GRM5: variants seen among roughly 807,000 people sequenced by gnomAD.
GRM5 encodes metabotropic glutamate receptor 5.
In GRM5, 19 loss-of-function variants were observed where a neutral mutation model predicts 83.1. The observed-to-expected ratio is 0.23, with a 90% confidence interval of 0.16 to 0.34. The LOEUF is 0.34. GRM5 is among the 10% of genes least tolerant of loss of function. GRM5 has a pLI of 1.00. For missense variants in GRM5, 1,160 were observed against 1,588.3 expected (o/e 0.73, Z 4.58); for synonymous variants, 675 against 633.6 (o/e 1.07, Z -0.98).
intron 3 of GRM5, among the ~76,000 whole-genome samples, chr11:88,675,956 A>C (rs951982061): frequency 7.9e-5 from 12 of 152,034 alleles, no homozygotes; most frequent in African/African-American, 2.4e-4. Flanking sequence ...AGAGAATCAT[A>C]GTATTTGTAG....
intron 7 of GRM5, among the ~76,000 whole-genome samples, chr11:88,582,954 T>A (rs936016640): frequency 1.5e-4 from 23 of 152,254 alleles, no homozygotes; most frequent in African/African-American, 5.5e-4. Flanking sequence ...TGTGGTCTTG[T>A]CCATGTATAG....
intron 8 of GRM5, among the ~76,000 whole-genome samples, chr11:88,530,334 CTTTAG>C (rs904874243): frequency 2.6e-4 from 40 of 152,088 alleles, no homozygotes; most frequent in Admixed American, 9.2e-4. Flanking sequence ...AGCTTTGACA[CTTTAG>C]TTTATAGGCC....
In GRM5 at chr11:88,642,470, C is replaced by T. The variant is rs184062005; in HGVS notation, c.1147+10698G>A. Among the ~76,000 whole-genome samples the T allele has an allele frequency of 1.2e-3, 189 of 152,312 alleles. 2 individuals carry two copies. Among genetic ancestry groups the T allele is most frequent in the African/African-American group, 4.4e-3 (185 of 41,580 alleles). On this transcript the variant is annotated intron_variant, in intron 4 of 9. Transcript: ENST00000305447. ...ATATCTCTAGCAAGTGGTTGCTCCA[C>T]AGCCTGCTTCAATTTATCACCTGAA...
At chr11:88,722,647 G>A (rs1941574544) in intron 3 of GRM5, among the ~76,000 whole-genome samples, 1 of 151,978 alleles carries the variant, frequency 6.6e-6, no homozygotes, top group African/African-American at 2.4e-5. Context: ...ATAACAAAAT[G>A]GTCTGTTTTG....
At chr11:88,825,299 T>C (rs935530640) in intron 3 of GRM5, among the ~76,000 whole-genome samples, 1 of 152,138 alleles carries the variant, frequency 6.6e-6, no homozygotes, top group Non-Finnish European at 1.5e-5. Flanking sequence ...TTGATGTATA[T>C]TGTTTTTGTG....
chr11:88,853,024 C>T (rs566637336), intron 2 of GRM5, among the ~76,000 whole-genome samples: 9 of 151,976 alleles, frequency 5.9e-5, no homozygotes, highest in Non-Finnish European at 1.3e-4. Flanking sequence ...AAACAAGTAA[C>T]TGAGAAAGAA....
At chr11:88,547,814 T>C (rs936488157) in intron 8 of GRM5, among the ~76,000 whole-genome samples, 1 of 152,146 alleles carries the variant, frequency 6.6e-6, no homozygotes, top group Non-Finnish European at 1.5e-5. Flanking sequence ...GTGTAAAAAT[T>C]AGCATATTTT....
At chr11:88,514,362 G>A (rs567378502) in intron 9 of GRM5, among the ~76,000 whole-genome samples, 1 of 152,098 alleles carries the variant, frequency 6.6e-6, no homozygotes, top group African/African-American at 2.4e-5. Flanking sequence ...ATTCTCAGAG[G>A]TTTATTTTTC....
chr11:88,644,601 T>G (rs1939390114), intron 4 of GRM5, among the ~76,000 whole-genome samples: 2 of 152,236 alleles, frequency 1.3e-5, no homozygotes, highest in Admixed American at 1.3e-4. Context: ...ATCATTTTTC[T>G]TTCTGCAGTA....
intron 3 of GRM5, among the ~76,000 whole-genome samples, chr11:88,818,088 TA>T (rs1943722432): frequency 6.6e-6 from 1 of 151,884 alleles, no homozygotes; most frequent in African/African-American, 2.4e-5. Flanking sequence ...AGATAGTTTA[TA>T]AAATATAAAC....
chr11:89,054,370 T>C (rs960584977), intron 1 of GRM5, among the ~76,000 whole-genome samples: 1 of 152,134 alleles, frequency 6.6e-6, no homozygotes, highest in African/African-American at 2.4e-5. Context: ...TGGTGGAGAA[T>C]GCGGCGGCAA....
chr11:88,910,331 C>A (rs1178871050), intron 2 of GRM5, among the ~76,000 whole-genome samples: 4 of 151,976 alleles, frequency 2.6e-5, no homozygotes, highest in Non-Finnish European at 5.9e-5. Flanking sequence ...CTGATGAACA[C>A]CAAGTTTATT....
intron 3 of GRM5, among the ~76,000 whole-genome samples, chr11:88,752,361 A>C (rs541180185): frequency 2.0e-5 from 3 of 152,176 alleles, no homozygotes; most frequent in Non-Finnish European, 1.5e-5. Flanking sequence ...AATTGCTACA[A>C]AAAGAATAAA....
chr11:88,635,381 ATATCTCAT>A (rs1207970441), intron 4 of GRM5, among the ~76,000 whole-genome samples: 2 of 152,116 alleles, frequency 1.3e-5, no homozygotes, highest in Non-Finnish European at 2.9e-5. Context: ...GTGTGAGATG[ATATCTCAT>A]TGTGGTTTTG....
At chr11:88,618,135 C>A (rs1200668813) in intron 4 of GRM5, among the ~76,000 whole-genome samples, 1 of 152,152 alleles carries the variant, frequency 6.6e-6, no homozygotes, top group East Asian at 1.9e-4. Context: ...TGAAAACTGA[C>A]AGTTGGAGGC....
At chr11:88,899,036 GT>G in intron 2 of GRM5, among the ~76,000 whole-genome samples, 1 of 151,938 alleles carries the variant, frequency 6.6e-6, no homozygotes, top group Non-Finnish European at 1.5e-5. Flanking sequence ...TTTGGTATGT[GT>G]TTGTGTACAT....
intron 2 of GRM5, chr11:88,925,798 C>T (rs2135637342): frequency 2.2e-6 from 1 of 449,636 alleles, no homozygotes; most frequent in East Asian, 7.1e-5. Context: ...AATCCTAGCT[C>T]CTCTGGAGGC....
chr11:89,040,573 T>A (rs1293637738), intron 2 of GRM5, among the ~76,000 whole-genome samples: 1 of 152,144 alleles, frequency 6.6e-6, no homozygotes, highest in East Asian at 1.9e-4. Flanking sequence ...TGGTCACATG[T>A]GCTTGTAGTC....
At chr11:88,518,694 C>A (rs1941593010) in intron 9 of GRM5, among the ~76,000 whole-genome samples, 1 of 151,860 alleles carries the variant, frequency 6.6e-6, no homozygotes, top group African/African-American at 2.4e-5. Context: ...GACCACCATC[C>A]AAATCTTGGC....
Sources: allele counts gnomAD v4.1 joint callset (sites outside exome capture counted in the v4.1 genomes callset), GRCh38; gene constraint gnomAD v4.1.1; transcripts MANE v1.5; gene names NCBI Gene and HGNC (gene_info 2026-07-23, HGNC 2026-07-21).